Variants in SCRG1 observed in about 807,000 individuals in gnomAD.
SCRG1 encodes stimulator of chondrogenesis 1, also known as scrapie-responsive protein 1.
A neutral mutation model predicts 7.7 loss-of-function variants in SCRG1; 3 were observed. The observed-to-expected ratio is 0.39, with a 90% CI of 0.18 to 1.01. The LOEUF (loss-of-function observed/expected upper bound fraction) is 1.01, where lower values mean the gene tolerates loss of function less well. Ranked by LOEUF, SCRG1 falls within the 50% of genes least tolerant of loss-of-function variation. SCRG1 has a pLI of 0.36. For missense variants in SCRG1, 110 were observed against 117.2 expected (o/e 0.94, Z 0.28); for synonymous variants, 46 against 41.2 (o/e 1.12, Z -0.44).
At chr4:173,403,322 G>A (rs1389236187), upstream of SCRG1, 1 of 152,156 alleles carries the variant, frequency 6.6e-6, no homozygotes, top group Admixed American at 6.5e-5. Context: ...ATGGTATGAT[G>A]TACTTGGGAA....
the SCRG1 span, among the ~76,000 whole-genome samples, chr4:173,449,954 T>G: frequency 1.1e-3 from 164 of 152,340 alleles, 3 homozygotes; most frequent in African/African-American, 3.8e-3. Context: ...GAAAAACAAC[T>G]GTTTAAACTG....
chr4:173,450,890 G>A, the SCRG1 span, among the ~76,000 whole-genome samples: 1 of 152,082 alleles, frequency 6.6e-6, no homozygotes, highest in African/African-American at 2.4e-5. Context: ...CCTGACCCAG[G>A]GCATCCACGA....
At chr4:173,419,753 G>C in the SCRG1 span, 1 of 1,328,164 alleles carries the variant, frequency 7.5e-7, no homozygotes, top group Non-Finnish European at 1.1e-6. Context: ...GCAGGTAAAG[G>C]CACCTGGCTG....
chr4:173,468,689 G>A, the SCRG1 span: 1 of 152,198 alleles, frequency 6.6e-6, no homozygotes, highest in Non-Finnish European at 1.5e-5. Context: ...ATCAGCATTA[G>A]AAAGAAATTT....
At chr4:173,499,549 C>A in the SCRG1 span, among the ~76,000 whole-genome samples, 4 of 152,312 alleles carry the variant, frequency 2.6e-5, no homozygotes, top group Non-Finnish European at 5.9e-5. The surrounding 1 kb of genome is among the most constrained non-coding windows in gnomAD (Gnocchi z 4.1). Flanking sequence ...TCACCTAGTT[C>A]AGTATATTCT....
chr4:173,410,315 A>T (rs1740011875), upstream of SCRG1, among the ~76,000 whole-genome samples: 1 of 152,242 alleles, frequency 6.6e-6, no homozygotes, highest in Non-Finnish European at 1.5e-5. Context: ...TGTAAACCCA[A>T]TAAGCTGTTG....
chr4:173,435,504 GTGA>G, the SCRG1 span, among the ~76,000 whole-genome samples: 2 of 152,194 alleles, frequency 1.3e-5, no homozygotes, highest in Non-Finnish European at 2.9e-5. Flanking sequence ...TCACTCATCA[GTGA>G]TTTTCCCAGG....
chr4:173,484,822 ATATAT>A, the SCRG1 span, among the ~76,000 whole-genome samples: 21 of 78,616 alleles, frequency 2.7e-4, no homozygotes, highest in Admixed American at 2.4e-4. Flanking sequence ...TACATATAAT[ATATAT>A]TATATGTACA....
At chr4:173,508,439 C>T in the SCRG1 span, among the ~76,000 whole-genome samples, 1 of 152,116 alleles carries the variant, frequency 6.6e-6, no homozygotes. This position sits in a 1 kb window ranked among gnomAD's most constrained non-coding sequence, Gnocchi z 4.4. Flanking sequence ...CAGTAACCGC[C>T]TCCCAGCACG....
chr4:173,438,716 C>CT, the SCRG1 span, among the ~76,000 whole-genome samples: 1 of 151,286 alleles, frequency 6.6e-6, no homozygotes, highest in Non-Finnish European at 1.5e-5. Context: ...TTCAATAAAT[C>CT]TTTTTTTTAA....
chr4:173,439,513 TAAA>T, the SCRG1 span, among the ~76,000 whole-genome samples: 1 of 146,866 alleles, frequency 6.8e-6, no homozygotes. Flanking sequence ...AGACCCTGTT[TAAA>T]AAAAAAAAAG....
chr4:173,487,829 A>C, the SCRG1 span, among the ~76,000 whole-genome samples: 2 of 151,996 alleles, frequency 1.3e-5, no homozygotes, highest in Non-Finnish European at 2.9e-5. Flanking sequence ...TTGGCTGGGC[A>C]TGGTGGCTCA....
chr4:173,398,837 A>T (rs989670544), intron 1 of SCRG1, among the ~76,000 whole-genome samples: 2 of 152,186 alleles, frequency 1.3e-5, no homozygotes, highest in Admixed American at 1.3e-4. Context: ...CCTGTAATGA[A>T]ATGACTTTCC....
the SCRG1 span, among the ~76,000 whole-genome samples, chr4:173,432,368 G>C: frequency 8.0e-6 from 1 of 124,582 alleles, no homozygotes; most frequent in Non-Finnish European, 1.6e-5. Flanking sequence ...ATCTATAAAA[G>C]GGAGATTCCT....
At chr4:173,420,170 A>T in the SCRG1 span, 1 of 478,382 alleles carries the variant, frequency 2.1e-6, no homozygotes, top group East Asian at 5.3e-5. Context: ...CCGTGGCTCA[A>T]CAGAGACCTT....
chr4:173,391,937 G>T (rs1394609720), intron 1 of SCRG1, among the ~76,000 whole-genome samples: 1 of 152,182 alleles, frequency 6.6e-6, no homozygotes, highest in African/African-American at 2.4e-5. Flanking sequence ...CGCACAGGCT[G>T]TAGGCAGGGA....
chr4:173,479,105 C>A, the SCRG1 span, among the ~76,000 whole-genome samples: 1 of 152,156 alleles, frequency 6.6e-6, no homozygotes, highest in African/African-American at 2.4e-5. Context: ...GCATGACATT[C>A]ATTTCCACCA....
the SCRG1 span, among the ~76,000 whole-genome samples, chr4:173,455,817 T>G: frequency 3.3e-5 from 5 of 152,128 alleles, no homozygotes; most frequent in Middle Eastern, 3.4e-3. Context: ...GCATTCAGAA[T>G]AGGTTAGTAA....
At chr4:173,488,347 T>C in the SCRG1 span, among the ~76,000 whole-genome samples, 2 of 152,042 alleles carry the variant, frequency 1.3e-5, no homozygotes, top group Admixed American at 1.3e-4. Context: ...TGGCCAAGCA[T>C]GATTATTTAA....
Sources: gnomAD v4.1 joint callset for allele counts (sites outside exome capture counted in the v4.1 genomes callset) on GRCh38, gnomAD v4.1.1 for gene constraint, Gnocchi (gnomAD v3.1) non-coding constraint, MANE v1.5 for transcripts, NCBI Gene and HGNC (gene_info 2026-07-23, HGNC 2026-07-21) for gene names.